ANK2: variants seen among roughly 807,000 people sequenced by gnomAD.
ANK2 encodes the protein ankyrin-2.
ANK2 carries 83 observed loss-of-function variants against 360.5 expected under a neutral mutation model. That is an observed-to-expected ratio of 0.23 (90% CI 0.19 to 0.28). The LOEUF is 0.28. Among genes scored for constraint, ANK2 ranks in the 10% least tolerant of loss-of-function variants. ANK2 has a pLI of 1.00. For synonymous variants in ANK2, 1,740 were observed against 1,759.5 expected (o/e 0.99, Z 0.28); for missense variants, 4,201 against 4,795.7 (o/e 0.88, Z 3.66).
intron 2 of ANK2, among the ~76,000 whole-genome samples, chr4:113,183,401 T>C (rs1188330707): frequency 6.6e-6 from 1 of 152,042 alleles, no homozygotes; most frequent in Non-Finnish European, 1.5e-5. Context: ...TGCAGCTACA[T>C]TCAGACATGG....
intron 32 of ANK2, among the ~76,000 whole-genome samples, chr4:113,339,815 A>G (rs567125420): frequency 2.3e-4 from 35 of 152,358 alleles, no homozygotes; most frequent in African/African-American, 7.9e-4. Context: ...TGCACACAAT[A>G]ACTCAATTGA....
chr4:113,381,105 ACT>A (rs1459276876), intron 45 of ANK2, among the ~76,000 whole-genome samples: 1 of 152,170 alleles, frequency 6.6e-6, no homozygotes, highest in African/African-American at 2.4e-5. Flanking sequence ...AATTAACCAA[ACT>A]CTATTAAGTA....
At chr4:113,196,094 T>G (rs2098743054) in intron 2 of ANK2, among the ~76,000 whole-genome samples, 1 of 152,226 alleles carries the variant, frequency 6.6e-6, no homozygotes, top group African/African-American at 2.4e-5. Flanking sequence ...TTAAGTCATT[T>G]AAAAAATTTA....
In ANK2 at chr4:113,381,396, C is replaced by A. The variant is rs978149498; in HGVS notation, c.11860-61C>A. The A allele has an allele frequency of 1.9e-6, 3 of 1,595,438 alleles. No individual in the cohort carries two copies. The African/African-American group carries it at 4.0e-5, about 21-fold the overall frequency. ...ACTCAGTGTAATGGTCACCTTCATT[C>A]CTAACAGCTGCCCTCTGGCAGTGAA... On this transcript the variant is annotated intron_variant, in intron 45 of 45. Transcript: ENST00000357077.
intron 1 of ANK2, among the ~76,000 whole-genome samples, chr4:113,067,602 A>G (rs114060226): frequency 6.6e-6 from 1 of 152,282 alleles, no homozygotes; most frequent in African/African-American, 2.4e-5. Context: ...AATCCCTCAT[A>G]GGTGGAGGAC....
At chr4:112,820,153 C>T (rs187972270) in intron 1 of ANK2, among the ~76,000 whole-genome samples, 75 of 152,286 alleles carry the variant, frequency 4.9e-4, no homozygotes, top group African/African-American at 1.8e-3. Flanking sequence ...TCCATTTTTC[C>T]ATCTCACTCA....
intron 2 of ANK2, among the ~76,000 whole-genome samples, chr4:112,986,179 GT>G (rs1190086360): frequency 2.7e-5 from 4 of 149,906 alleles, no homozygotes; most frequent in Non-Finnish European, 3.0e-5. Context: ...TAACTCTCTA[GT>G]TTTTTTTTGA....
At chr4:112,786,464 C>A in the ANK2 span, among the ~76,000 whole-genome samples, 5 of 144,912 alleles carry the variant, frequency 3.5e-5, no homozygotes, top group Non-Finnish European at 7.4e-5. Flanking sequence ...GTAGCGTGAT[C>A]TCGGCTCACT....
the ANK2 span, among the ~76,000 whole-genome samples, chr4:112,712,408 T>TATA: frequency 1.1e-4 from 10 of 92,364 alleles, no homozygotes; most frequent in African/African-American, 3.8e-4. Flanking sequence ...ATATATATAT[T>TATA]TTTTTTTTTT....
intron 2 of ANK2, among the ~76,000 whole-genome samples, chr4:112,989,662 C>G (rs1194148216): frequency 6.6e-6 from 1 of 152,160 alleles, no homozygotes; most frequent in Admixed American, 6.6e-5. Context: ...ATCTTGTCAG[C>G]TCTCTCAAAT....
At chr4:112,814,046 A>G (rs1329011876), upstream of ANK2, among the ~76,000 whole-genome samples, 1 of 152,208 alleles carries the variant, frequency 6.6e-6, no homozygotes, top group African/African-American at 2.4e-5. Flanking sequence ...GAAACAAAAG[A>G]AGTTTAAGGC....
intron 34 of ANK2, among the ~76,000 whole-genome samples, chr4:113,345,082 T>G (rs1262994495): frequency 6.6e-6 from 1 of 152,148 alleles, no homozygotes; most frequent in Non-Finnish European, 1.5e-5. Context: ...AAATGATACG[T>G]TTTATGTTAC....
intron 1 of ANK2, among the ~76,000 whole-genome samples, chr4:113,144,495 A>G (rs1408213997): frequency 6.6e-6 from 1 of 152,008 alleles, no homozygotes; most frequent in African/African-American, 2.4e-5. Flanking sequence ...AGTCTATCAA[A>G]TGTAATATGG....
chr4:112,867,667 A>C (rs1183016651), intron 1 of ANK2, among the ~76,000 whole-genome samples: 1 of 140,778 alleles, frequency 7.1e-6, no homozygotes, highest in African/African-American at 2.6e-5. Context: ...TGGCCTTTTA[A>C]GTCTGTTTTT....
intron 1 of ANK2, among the ~76,000 whole-genome samples, chr4:113,085,284 CAGATATTA>C (rs1223713143): frequency 6.6e-6 from 1 of 151,990 alleles, no homozygotes; most frequent in African/African-American, 2.4e-5. Context: ...CAAGAGCTGA[CAGATATTA>C]AGATATTAAG....
the ANK2 span, among the ~76,000 whole-genome samples, chr4:112,760,523 T>C: frequency 2.6e-5 from 4 of 151,668 alleles, no homozygotes; most frequent in African/African-American, 9.7e-5. Flanking sequence ...TTCATTGTAT[T>C]CTTTTTTTTT....
At chr4:113,323,972 A>G (rs192228697) in intron 26 of ANK2, among the ~76,000 whole-genome samples, 200 of 152,260 alleles carry the variant, frequency 1.3e-3, no homozygotes, top group African/African-American at 4.2e-3. Context: ...TTTCTCTGTG[A>G]TGAAGAGAAA....
In ANK2 at chr4:112,842,384, T is replaced by C. The variant is rs1015544490; in HGVS notation, c.-40+24120T>C. On this transcript the variant is annotated intron_variant, in intron 1 of 30. Coordinates refer to the ANK2 transcript ENST00000503271. ...ATTCCCACTGAAGAAAGCAATAGTT[T>C]AAATCTCTGAAAAATAGAGTAATGA... Among the ~76,000 whole-genome samples the C allele has an allele frequency of 1.2e-4, 18 of 152,248 alleles. No individual in the cohort carries two copies. The East Asian group carries it at 1.9e-3, about 16-fold the overall frequency.
At chr4:112,827,755 T>C (rs2058713387) in intron 1 of ANK2, 1 of 465,540 alleles carries the variant, frequency 2.1e-6, no homozygotes, top group Admixed American at 3.8e-5. Flanking sequence ...TGCTCGTGGA[T>C]AGGAAGAATC....
Sources: allele counts gnomAD v4.1 joint callset (sites outside exome capture counted in the v4.1 genomes callset), GRCh38; gene constraint gnomAD v4.1.1; transcripts MANE v1.5; gene names NCBI Gene and HGNC (gene_info 2026-07-23, HGNC 2026-07-21).